The following DYRK3 variants were observed in gnomAD, a reference collection of about 807,000 sequenced individuals.
DYRK3 encodes dual specificity tyrosine phosphorylation regulated kinase 3.
A neutral mutation model predicts 40.8 loss-of-function variants in DYRK3; 30 were observed. The ratio of observed to expected loss-of-function variants is 0.74; its 90% CI spans 0.55 to 1.00. DYRK3 has a LOEUF of 1.00. Ranked by LOEUF, DYRK3 falls within the 50% of genes least tolerant of loss-of-function variation. The probability of loss-of-function intolerance (pLI) is 0.00; values close to 1 mark genes in which losing one functional copy is unlikely to be tolerated. For synonymous variants in DYRK3, 272 were observed against 260.7 expected (o/e 1.04, Z -0.42); for missense variants, 699 against 731.5 (o/e 0.96, Z 0.51).
chr1:206,641,230 C>G (rs985508906), intron 2 of DYRK3, among the ~76,000 whole-genome samples: 3 of 152,120 alleles, frequency 2.0e-5, no homozygotes, highest in African/African-American at 7.2e-5. Flanking sequence ...TCTCACTCCT[C>G]TACCACCCTA....
intron 1 of DYRK3, 189 bp downstream of exon 1, chr1:206,635,969 C>T (rs1450212871): frequency 1.5e-6 from 2 of 1,338,780 alleles, no homozygotes; most frequent in African/African-American, 1.5e-5. Flanking sequence ...ATCCCTGTCT[C>T]ACCGGGCGCG....
Position 206,651,066 on chromosome 1 carries a change from C to T in DYRK3, c.*2101C>T, listed in dbSNP as rs1427361252. 1.3e-5 allele frequency among the ~76,000 whole-genome samples: 2 copies of T among 152,186 alleles called. No individual in the cohort carries two copies. Among genetic ancestry groups the T allele is most frequent in the Non-Finnish European group, 2.9e-5 (2 of 68,034 alleles). Reference sequence around the variant, plus strand: ...TTTTTTCTAAGTCTGCATCCTATCTCTTGATTCCATTGCCTGAAGAAGCTG... The same window carrying T: ...TTTTTTCTAAGTCTGCATCCTATCTTTTGATTCCATTGCCTGAAGAAGCTG... On this transcript the variant is annotated 3_prime_UTR_variant, in exon 3 of 3. Coordinates refer to ENST00000367109, the MANE Select transcript of DYRK3 (RefSeq NM_003582.4).
chr1:206,646,591 G>C (rs183095719), intron 2 of DYRK3, among the ~76,000 whole-genome samples: 36 of 152,292 alleles, frequency 2.4e-4, no homozygotes, highest in Non-Finnish European at 4.1e-4. Context: ...TAGAGCTTTT[G>C]TGATTCAATG....
At position 206,648,146 on chromosome 1, in the gene DYRK3, C is replaced by T. The variant is rs1035558323; in HGVS notation, c.948C>T (p.Ala316=). 1.2e-6 allele frequency: 2 copies of T among 1,614,074 alleles called. No individual in the cohort carries two copies. The highest frequency in any genetic ancestry group is 2.2e-5 in the East Asian group (1 of 44,874). ...GFSVQLVRKF[A]QSILQSLDAL... Reference sequence around the variant, plus strand: ...GCGTCCAGTTGGTACGCAAGTTTGCCCAGTCCATCTTGCAATCTTTGGATG... The same window carrying T: ...GCGTCCAGTTGGTACGCAAGTTTGCTCAGTCCATCTTGCAATCTTTGGATG... Residue 316 remains alanine (A), a synonymous_variant, in exon 3 of 3, where the codon GCC becomes GCT. Coordinates refer to ENST00000367109, the MANE Select transcript of DYRK3 (RefSeq NM_003582.4).
At position 206,649,336 on chromosome 1, in the gene DYRK3, G is replaced by A; in HGVS notation, c.*371G>A. On this transcript the variant is annotated 3_prime_UTR_variant, in exon 3 of 3. Transcript: ENST00000367109. The stretch of plus-strand genomic sequence containing the variant: ...AGTGTCCCTCGGCATCTGTTCTGGA[G>A]GGGTAATTTGGGATGTGGTGTTAGT... The A allele has an allele frequency of 5.3e-6, 1 of 188,194 alleles. No individual in the cohort carries two copies. The highest frequency in any genetic ancestry group is 9.3e-5 in the South Asian group (1 of 10,800). 11.7% of individuals were successfully genotyped at this position (188,194 alleles called of 1,614,324 possible). A position where few individuals can be genotyped will look rare whatever the true frequency, so the allele number is the denominator to read the frequency against.
In DYRK3 at chr1:206,647,864, G is replaced by A; in HGVS notation, c.666G>A (p.Gln222=). 6.2e-7 allele frequency: 1 copy of A among 1,614,088 alleles called. No homozygotes were observed. The highest frequency in any genetic ancestry group is 8.5e-7 in the Non-Finnish European group (1 of 1,180,026). The change falls in exon 3 of 3, where the codon CAG becomes CAA. Residue 222 remains glutamine, a synonymous_variant. Transcript: ENST00000367109. ...LKIIGKGSFG[Q]VARVYDHKLR... ...TTATTGGCAAGGGGAGTTTTGGGCA[G>A]GTGGCCAGGGTCTATGATCACAAAC...
chr1:206,648,803 G>A lies in DYRK3; in HGVS notation c.1605G>A (p.Lys535=). The change falls in exon 3 of 3, where the codon AAG becomes AAA. Residue 535 remains lysine (K), a synonymous_variant. Transcript: ENST00000367109. The part of the protein sequence containing the change: ...SVPRPLTTID[K]VSGKRVVNPA... ...CCAGACCTCTCACCACCATAGACAAGGTGTCAGGGAAACGGGTAGTTAATC... is the reference window on the plus strand; with the variant it reads ...CCAGACCTCTCACCACCATAGACAAAGTGTCAGGGAAACGGGTAGTTAATC... 6.2e-7 allele frequency: 1 copy of A among 1,614,204 alleles called. No individual in the cohort carries two copies. The highest frequency in any genetic ancestry group is 8.5e-7 in the Non-Finnish European group (1 of 1,180,042).
At chr1:206,636,481 T>C (rs527857818) in intron 1 of DYRK3, among the ~76,000 whole-genome samples, 2 of 152,368 alleles carry the variant, frequency 1.3e-5, no homozygotes, top group East Asian at 3.8e-4. Flanking sequence ...CCAGAATATT[T>C]GGTTTCTGTT....
chr1:206,645,176 T>G (rs1553419892), intron 2 of DYRK3, among the ~76,000 whole-genome samples: 1 of 152,206 alleles, frequency 6.6e-6, no homozygotes, highest in Non-Finnish European at 1.5e-5. Context: ...TTTTTTGTTA[T>G]TTATTTTTGG....
At chr1:206,647,269 C>G (rs1311202587) in intron 2 of DYRK3, 119 bp from the exon 3 acceptor site, 2 of 1,046,058 alleles carry the variant, frequency 1.9e-6, no homozygotes, top group African/African-American at 3.3e-5. Context: ...CTTTTTGGGT[C>G]ATTTTAACCT....
Position 206,641,844 on chromosome 1 carries a change from A to G in DYRK3, c.189+4083A>G, listed in dbSNP as rs557406617. Among the ~76,000 whole-genome samples, 87 of 150,708 alleles carry G rather than the reference A, an allele frequency of 5.8e-4. 1 individual carries two copies. The highest frequency in any genetic ancestry group is 7.9e-4 in the Non-Finnish European group (54 of 68,034). On this transcript the variant is annotated intron_variant, in intron 2 of 2. Coordinates refer to ENST00000367109, the MANE Select transcript of DYRK3 (RefSeq NM_003582.4). ...AAAACCCTAGAAGAAAACCTAGGCAATACCATTCAGGACATAGGCATAGGC... is the reference window on the plus strand; with the variant it reads ...AAAACCCTAGAAGAAAACCTAGGCAGTACCATTCAGGACATAGGCATAGGC...
rs1403711395 is a variant in DYRK3 at position 206,649,156 on chromosome 1, C to G, written c.*191C>G. ...AATTACCTAACCAGCTTGTATTGGCCATCTGGAATATGCATTAAATGACTT... is the reference window on the plus strand; with the variant it reads ...AATTACCTAACCAGCTTGTATTGGCGATCTGGAATATGCATTAAATGACTT... On this transcript the variant is annotated 3_prime_UTR_variant, in exon 3 of 3. Transcript: ENST00000367109. The G allele has an allele frequency of 7.0e-6, 4 of 572,744 alleles. No homozygotes were observed. In the African/African-American group the frequency reaches 7.5e-5, roughly 11 times the overall value. The allele number at this position is 572,744 out of a possible 1,614,324, so 35.5% of individuals were successfully genotyped here.
chr1:206,635,845 G>T, intron 1 of DYRK3, 65 bp downstream of exon 1: 1 of 1,240,892 alleles, frequency 8.1e-7, no homozygotes, highest in Non-Finnish European at 1.0e-6. Flanking sequence ...GGCAAGCGAA[G>T]CTTGGGGGTG....
chr1:206,637,199 C>G (rs1434759613), intron 1 of DYRK3, among the ~76,000 whole-genome samples: 1 of 151,506 alleles, frequency 6.6e-6, no homozygotes, highest in Non-Finnish European at 1.5e-5. Context: ...GAAGGTAGCA[C>G]TGGGGAAGAC....
intron 2 of DYRK3, among the ~76,000 whole-genome samples, chr1:206,642,042 T>G (rs1230044553): frequency 6.6e-6 from 1 of 150,668 alleles, no homozygotes; most frequent in African/African-American, 2.5e-5. Context: ...GACAAAGGGC[T>G]AATATCCAGA....
intron 1 of DYRK3, 69 bp downstream of exon 1, chr1:206,635,849 G>A (rs1474965879): frequency 8.1e-7 from 1 of 1,240,446 alleles, no homozygotes; most frequent in Non-Finnish European, 1.0e-6. Context: ...AGCGAAGCTT[G>A]GGGGTGGGGA....
chr1:206,637,282 T>C (rs782202903), intron 1 of DYRK3, among the ~76,000 whole-genome samples: 12 of 152,224 alleles, frequency 7.9e-5, no homozygotes, highest in Non-Finnish European at 1.8e-4. Context: ...CTTGAGAAAC[T>C]ATTACCTCTG....
intron 2 of DYRK3, among the ~76,000 whole-genome samples, chr1:206,640,290 T>G (rs1671250219): frequency 6.6e-6 from 1 of 152,150 alleles, no homozygotes; most frequent in Non-Finnish European, 1.5e-5. Flanking sequence ...CCTTTTGACC[T>G]CTTGGTGCCA....
At chr1:206,636,862 T>C (rs1553418427) in intron 1 of DYRK3, 2 of 1,567,268 alleles carry the variant, frequency 1.3e-6, no homozygotes, top group Admixed American at 1.8e-5. Context: ...CCGTCTTTTG[T>C]GTTCCCTTAC....
Sources: allele counts gnomAD v4.1 joint callset (sites outside exome capture counted in the v4.1 genomes callset), GRCh38; gene constraint gnomAD v4.1.1; transcripts MANE v1.5; gene names NCBI Gene and HGNC (gene_info 2026-07-23, HGNC 2026-07-21).